Variants in QSER1 observed in about 807,000 individuals in gnomAD.
The protein encoded by QSER1 is glutamine and serine-rich protein 1.
In QSER1, 49 loss-of-function variants were observed where a neutral mutation model predicts 158.5. The observed-to-expected ratio is 0.31, with a 90% CI of 0.25 to 0.39. The LOEUF (loss-of-function observed/expected upper bound fraction) is 0.39. Ranked by LOEUF, QSER1 falls within the 10% of genes least tolerant of loss-of-function variation. QSER1 has a pLI of 1.00. For synonymous variants in QSER1, 650 were observed against 715.5 expected, an observed-to-expected ratio of 0.91 and a Z score of 1.46; for missense variants, 1,754 against 2,010.3, an observed-to-expected ratio of 0.87 and a Z score of 2.44.
chr11:32,918,687 G>GAGGGGCAAGAGC (rs1239020134), intron 1 of QSER1, among the ~76,000 whole-genome samples: 2 of 151,984 alleles, frequency 1.3e-5, no homozygotes, highest in East Asian at 3.9e-4. Flanking sequence ...TGAGGGGAAG[G>GAGGGGCAAGAGC]AGGGGCAAGA....
At chr11:32,905,185 G>A (rs1306443498) in intron 1 of QSER1, among the ~76,000 whole-genome samples, 3 of 152,118 alleles carry the variant, frequency 2.0e-5, no homozygotes, top group African/African-American at 7.2e-5. Flanking sequence ...ATTTTCATAT[G>A]GCCTAATGCC....
At chr11:32,942,509 T>C (rs1852257906) in intron 4 of QSER1, among the ~76,000 whole-genome samples, 1 of 150,962 alleles carries the variant, frequency 6.6e-6, no homozygotes, top group African/African-American at 2.4e-5. Flanking sequence ...CCATTGCTTG[T>C]TTTTCTCAGG....
intron 1 of QSER1, among the ~76,000 whole-genome samples, chr11:32,915,852 T>G (rs1017692152): frequency 1.3e-5 from 2 of 152,106 alleles, no homozygotes; most frequent in African/African-American, 4.8e-5. Flanking sequence ...GAAACCACCT[T>G]CTTTTGGTAG....
intron 4 of QSER1, among the ~76,000 whole-genome samples, chr11:32,936,248 C>G (rs912055319): frequency 6.7e-6 from 1 of 148,972 alleles, no homozygotes; most frequent in Non-Finnish European, 1.5e-5. Context: ...CCCATGTGTT[C>G]TCATTGTTCA....
At chr11:32,963,018 T>C (rs1852654488) in intron 8 of QSER1, among the ~76,000 whole-genome samples, 1 of 152,216 alleles carries the variant, frequency 6.6e-6, no homozygotes. Flanking sequence ...CTCCTGGTCA[T>C]ACCCATTATA....
intron 1 of QSER1, among the ~76,000 whole-genome samples, chr11:32,914,131 C>CTTAGTGTTTATTTCTATTCGGATT: frequency 6.6e-6 from 1 of 152,114 alleles, no homozygotes. Flanking sequence ...ATTCAGTGGA[C>CTTAGTGTTTATTTCTATTCGGATT]TTAGTGTTTA....
In QSER1 at chr11:32,935,374, T is replaced by C. The variant is rs766548951; in HGVS notation, c.4116T>C (p.Tyr1372=). 3.1e-6 allele frequency: 5 copies of C among 1,600,360 alleles called. No individual in the cohort carries two copies. Among genetic ancestry groups the C allele is most frequent in the Middle Eastern group, 1.7e-4 (1 of 5,992 alleles). ...ATCCTGGATATAGTCAAGATGCTTA[T>C]AAAAGCGTCTCTACTCCCTTAACTA... ...EDDPGYSQDA[Y]KSVSTPLTTL... The change falls in exon 4 of 13, where the codon TAT becomes TAC. Residue 1372 remains tyrosine, a synonymous_variant. Transcript: ENST00000650167.
chr11:32,965,944 A>AACACACACACAC (rs5790910), intron 8 of QSER1, among the ~76,000 whole-genome samples: 18,883 of 123,384 alleles, frequency 0.15, 1,906 homozygotes, highest in South Asian at 0.19. Flanking sequence ...TCTGTCTCAA[A>AACACACACACAC]ACACACACAC....
intron 7 of QSER1, 32 bp downstream of exon 7, chr11:32,956,153 A>G: frequency 1.9e-6 from 3 of 1,558,558 alleles, no homozygotes; most frequent in Non-Finnish European, 2.6e-6. Context: ...ATATTTGTGC[A>G]TATATATAGG....
At chr11:32,974,636 T>G (rs986270880) in intron 11 of QSER1, among the ~76,000 whole-genome samples, 38 of 152,156 alleles carry the variant, frequency 2.5e-4, no homozygotes, top group African/African-American at 8.7e-4. Context: ...TTTTTTTGAG[T>G]GCCTATAGTA....
intron 8 of QSER1, among the ~76,000 whole-genome samples, chr11:32,966,045 C>T (rs993408242): frequency 2.6e-5 from 4 of 151,306 alleles, no homozygotes; most frequent in African/African-American, 9.7e-5. Context: ...CCTACCACGA[C>T]CACCACCACT....
Position 32,933,746 on chromosome 11 carries a change from G to A in QSER1, c.2488G>A (p.Ala830Thr). Residue 830 changes from alanine (A) to threonine (T), a missense_variant, in exon 4 of 13, where the codon GCT becomes ACT. Physicochemically the swap from Ala to Thr is moderately conservative, Grantham distance 58. Around this residue, in one of 2 missense-constraint regions of QSER1, gnomAD observed 1,707 missense variants for 1,919.6 expected, o/e 0.89. Coordinates refer to ENST00000650167, the MANE Select transcript of QSER1 (RefSeq NM_001076786.3). Reference protein sequence around the residue: ...VQEQHDQIINASSQIQIPNHA... With the variant: ...VQEQHDQIINTSSQIQIPNHA... ...GGAACAGCACGATCAAATAATTAAT[G>A]CTTCATCTCAGATTCAAATTCCAAA... 6.2e-7 allele frequency: 1 copy of A among 1,613,984 alleles called. No homozygotes were observed. The highest frequency in any genetic ancestry group is 8.5e-7 in the Non-Finnish European group (1 of 1,179,958).
At chr11:32,926,755 C>G (rs1851977479) in intron 1 of QSER1, 1 of 152,130 alleles carries the variant, frequency 6.6e-6, no homozygotes. Context: ...GTTATTTCAT[C>G]TGGTCCTTTT....
At chr11:32,911,795 CTTTTT>C (rs1035077097) in intron 1 of QSER1, among the ~76,000 whole-genome samples, 158 of 152,296 alleles carry the variant, frequency 1.0e-3, no homozygotes, top group African/African-American at 3.6e-3. Context: ...AACCTCTTTT[CTTTTT>C]AAGTTACCTA....
intron 1 of QSER1, among the ~76,000 whole-genome samples, chr11:32,896,224 A>G (rs1426194463): frequency 1.3e-5 from 2 of 152,192 alleles, no homozygotes; most frequent in Non-Finnish European, 2.9e-5. Flanking sequence ...TCTGTACTTG[A>G]TACTTATATC....
chr11:32,927,979 G>T lies in QSER1; in HGVS notation c.340G>T (p.Asp114Tyr). 3 of 919,498 alleles carry T rather than the reference G, an allele frequency of 3.3e-6. No individual in the cohort carries two copies. The highest frequency in any genetic ancestry group is 4.9e-6 in the Non-Finnish European group (3 of 607,210). The allele number at this position is 919,498 out of a possible 1,614,324, so 57.0% of individuals were successfully genotyped here. A position where few individuals can be genotyped will look rare whatever the true frequency, so the allele number is the denominator to read the frequency against. Residue 114 changes from aspartate (D) to tyrosine (Y), a missense_variant, in exon 3 of 13, where the codon GAT (aspartate) becomes TAT (tyrosine). Transcript: ENST00000650167. ...PQPTGLSGIF[D>Y]TSVNSASSNT... ...AAATTTAGGTCTTTCTGGAATATTT[G>T]ATACTAGTGTGAACAGTGCCAGCAG...
At chr11:32,913,847 C>CT (rs1303567515) in intron 1 of QSER1, among the ~76,000 whole-genome samples, 2 of 152,142 alleles carry the variant, frequency 1.3e-5, no homozygotes, top group Non-Finnish European at 2.9e-5. Flanking sequence ...TGGCTAGCCT[C>CT]TAAGTCACAG....
intron 3 of QSER1, among the ~76,000 whole-genome samples, chr11:32,930,696 T>C (rs1442243075): frequency 2.0e-5 from 3 of 152,196 alleles, no homozygotes; most frequent in African/African-American, 7.2e-5. Flanking sequence ...GATTGATCCC[T>C]TGTTTATGGA....
intron 12 of QSER1, chr11:32,975,566 T>C (rs970029682): frequency 1.5e-6 from 2 of 1,364,580 alleles, no homozygotes; most frequent in Admixed American, 2.6e-5. Flanking sequence ...GGAGCTATAA[T>C]TGGTAATGTT....
Sources: gnomAD v4.1 joint callset for allele counts (sites outside exome capture counted in the v4.1 genomes callset) on GRCh38, gnomAD v4.1.1 for gene constraint, gnomAD v4.1.1 regional missense constraint, MANE v1.5 for transcripts, NCBI Gene and HGNC (gene_info 2026-07-23, HGNC 2026-07-21) for gene names.